The following SRD5A3 variants were observed in gnomAD, a reference collection of about 807,000 sequenced individuals.
SRD5A3 encodes polyprenal reductase.
SRD5A3 carries 24 observed loss-of-function variants against 34.3 expected under a neutral mutation model. The observed-to-expected ratio is 0.70, with a 90% CI of 0.51 to 0.99. The LOEUF is 0.99. SRD5A3 is among the 50% of genes least tolerant of loss of function. The pLI is 0.00. For synonymous variants in SRD5A3, 161 were observed against 167.3 expected, an observed-to-expected ratio of 0.96 and a Z score of 0.29; for missense variants, 350 against 388.2, an observed-to-expected ratio of 0.90 and a Z score of 0.83.
chr4:55,359,202 A>G, intron 1 of SRD5A3, 144 bp from the exon 2 acceptor site: 6 of 1,140,400 alleles, frequency 5.3e-6, no homozygotes, highest in Non-Finnish European at 7.8e-6. Flanking sequence ...GAACACCTAT[A>G]GGATTCAGAT....
chr4:55,364,766 G>T, intron 3 of SRD5A3: 1 of 185,844 alleles, frequency 5.4e-6, no homozygotes, highest in Non-Finnish European at 1.1e-5. Flanking sequence ...CATGGAGTTG[G>T]GATTTGCAGA....
At position 55,371,426 on chromosome 4, in the gene SRD5A3, C is replaced by T. The variant is rs1026742939; in HGVS notation, c.*1335C>T. The T allele has an allele frequency of 4.6e-5, 7 of 152,188 alleles. No individual in the cohort carries two copies. Among genetic ancestry groups the T allele is most frequent in the African/African-American group, 1.4e-4 (6 of 41,454 alleles). 9.4% of individuals were successfully genotyped at this position (152,188 alleles called of 1,614,324 possible). On this transcript the variant is annotated 3_prime_UTR_variant, in exon 5 of 5. Coordinates refer to ENST00000264228, the MANE Select transcript of SRD5A3 (RefSeq NM_024592.5). ...CTGAGCAACACATTAAAACTGCACA[C>T]TTGTGCAGCGTAAGATTCTCTGGCT...
At chr4:55,360,690 T>G (rs1030805122) in intron 2 of SRD5A3, among the ~76,000 whole-genome samples, 3 of 144,854 alleles carry the variant, frequency 2.1e-5, no homozygotes, top group Non-Finnish European at 4.5e-5. Flanking sequence ...TATGGAACGT[T>G]TTTTTTTTTT....
intron 1 of SRD5A3, among the ~76,000 whole-genome samples, chr4:55,357,145 C>T (rs935417423): frequency 1.3e-5 from 2 of 152,172 alleles, no homozygotes; most frequent in African/African-American, 4.8e-5. Context: ...CTCCCCTCTG[C>T]ACCCTCTGTC....
intron 1 of SRD5A3, chr4:55,351,838 C>T: frequency 3.6e-6 from 2 of 548,016 alleles, no homozygotes; most frequent in Non-Finnish European, 3.6e-6. Flanking sequence ...CCATAATCAT[C>T]TGGCATTCAT....
intron 1 of SRD5A3, chr4:55,352,412 C>T (rs1421430219): frequency 1.8e-5 from 14 of 761,416 alleles, no homozygotes; most frequent in Non-Finnish European, 3.2e-5. Context: ...TCCCCATGGT[C>T]ACACCACACT....
intron 3 of SRD5A3, among the ~76,000 whole-genome samples, chr4:55,365,442 C>T (rs1025229450): frequency 2.0e-5 from 3 of 152,358 alleles, no homozygotes; most frequent in South Asian, 4.1e-4. Context: ...TCTCTGATTC[C>T]TCTGAACTTA....
At chr4:55,352,389 G>A in intron 1 of SRD5A3, 1 of 777,856 alleles carries the variant, frequency 1.3e-6, no homozygotes, top group South Asian at 1.3e-5. Context: ...ATACTTCCTT[G>A]TTTTCTTTTG....
intron 1 of SRD5A3, among the ~76,000 whole-genome samples, chr4:55,354,068 T>C (rs1206529746): frequency 6.6e-6 from 1 of 152,180 alleles, no homozygotes; most frequent in Non-Finnish European, 1.5e-5. Flanking sequence ...ACCTGGGGCC[T>C]GGAGTCTGTT....
At chr4:55,368,931 G>C (rs935740630) in intron 4 of SRD5A3, among the ~76,000 whole-genome samples, 29 of 151,736 alleles carry the variant, frequency 1.9e-4, no homozygotes, top group Non-Finnish European at 3.8e-4. Flanking sequence ...TAGAGCTGGG[G>C]TTTCACCATG....
chr4:55,366,427 C>T (rs1241665914), intron 3 of SRD5A3, among the ~76,000 whole-genome samples: 2 of 152,208 alleles, frequency 1.3e-5, no homozygotes, highest in Non-Finnish European at 2.9e-5. Context: ...ATCCTCCTGC[C>T]TTGGCCCCCG....
chr4:55,356,213 T>G (rs1482828094), intron 1 of SRD5A3, among the ~76,000 whole-genome samples: 1 of 152,016 alleles, frequency 6.6e-6, no homozygotes, highest in Non-Finnish European at 1.5e-5. Context: ...TTCACCATGT[T>G]GGCCAGGCTG....
chr4:55,364,031 T>C (rs1719782534), intron 2 of SRD5A3, 43 bp from the exon 3 acceptor site: 1 of 1,603,336 alleles, frequency 6.2e-7, no homozygotes, highest in Non-Finnish European at 8.5e-7. Flanking sequence ...TTTGGATTAA[T>C]CCCAGAAGAG....
chr4:55,363,556 G>A (rs1359255096), intron 2 of SRD5A3, among the ~76,000 whole-genome samples: 2 of 152,156 alleles, frequency 1.3e-5, no homozygotes, highest in Admixed American at 6.6e-5. Context: ...TGGGCAGGTC[G>A]TGAAAGACAG....
intron 2 of SRD5A3, among the ~76,000 whole-genome samples, chr4:55,362,737 A>G (rs895735805): frequency 6.7e-6 from 1 of 149,842 alleles, no homozygotes; most frequent in Admixed American, 6.7e-5. Context: ...CTGTTTCTGG[A>G]TCTGGGTGCT....
intron 2 of SRD5A3, among the ~76,000 whole-genome samples, chr4:55,359,771 A>G (rs1719607529): frequency 6.6e-6 from 1 of 152,156 alleles, no homozygotes; most frequent in Non-Finnish European, 1.5e-5. Flanking sequence ...TCCCTCTGGT[A>G]TTTTTAGTAC....
chr4:55,346,674 G>T, intron 1 of SRD5A3, 117 bp downstream of exon 1: 1 of 1,003,158 alleles, frequency 1.0e-6, no homozygotes. Context: ...GGAGGCCCTG[G>T]CGGGTTCCCG....
At chr4:55,359,225 C>A in intron 1 of SRD5A3, 121 bp from the exon 2 acceptor site, 1 of 1,355,990 alleles carries the variant, frequency 7.4e-7, no homozygotes, top group Non-Finnish European at 1.0e-6. Flanking sequence ...TATTAAAAAG[C>A]AAAGGTATAC....
At position 55,370,133 on chromosome 4, in the gene SRD5A3, C is replaced by A. The variant is rs749145324; in HGVS notation, c.*42C>A. On this transcript the variant is annotated 3_prime_UTR_variant, in exon 5 of 5. Coordinates refer to ENST00000264228, the MANE Select transcript of SRD5A3 (RefSeq NM_024592.5). Reference sequence around the variant, plus strand: ...AAGAATGCAAACCAGGTGATGGTTTCAATGCCTAAGGACAGTGAAGTCTGG... The same window carrying A: ...AAGAATGCAAACCAGGTGATGGTTTAAATGCCTAAGGACAGTGAAGTCTGG... The A allele has an allele frequency of 3.1e-6, 5 of 1,609,540 alleles. No individual in the cohort carries two copies. The highest frequency in any genetic ancestry group is 1.1e-5 in the South Asian group (1 of 90,914).
Sources: allele counts gnomAD v4.1 joint callset (sites outside exome capture counted in the v4.1 genomes callset), GRCh38; gene constraint gnomAD v4.1.1; transcripts MANE v1.5; gene names NCBI Gene and HGNC (gene_info 2026-07-23, HGNC 2026-07-21).